The following GNAT3 variants were observed in gnomAD, a reference collection of about 807,000 sequenced individuals.
GNAT3 encodes the protein G protein subunit alpha transducin 3, also known as guanine nucleotide-binding protein G(t) subunit alpha-3.
In GNAT3, 31 loss-of-function variants were observed where a neutral mutation model predicts 37.7. The observed-to-expected ratio is 0.82, with a 90% CI of 0.62 to 1.11. GNAT3 has a LOEUF of 1.11. Among genes scored for constraint, GNAT3 ranks in the 50% most tolerant of loss-of-function variants. The pLI is 0.00. For missense variants in GNAT3, 437 were observed against 412.5 expected (o/e 1.06, Z -0.51); for synonymous variants, 138 against 139.8 (o/e 0.99, Z 0.09).
intron 5 of GNAT3, among the ~76,000 whole-genome samples, chr7:80,464,003 C>T (rs1336179888): frequency 6.6e-6 from 1 of 151,614 alleles, no homozygotes; most frequent in Non-Finnish European, 1.5e-5. Flanking sequence ...CTCATTCATC[C>T]TTTATTCAAT....
chr7:80,510,422 G>A (rs749963313), intron 1 of GNAT3, among the ~76,000 whole-genome samples: 25 of 152,160 alleles, frequency 1.6e-4, no homozygotes, highest in Middle Eastern at 3.4e-3. Flanking sequence ...TTTTTAATAC[G>A]TTTTATCACC....
chr7:80,465,325 G>A (rs1459494184), intron 5 of GNAT3, among the ~76,000 whole-genome samples: 1 of 152,064 alleles, frequency 6.6e-6, no homozygotes, highest in African/African-American at 2.4e-5. Flanking sequence ...AGTTGTAATG[G>A]ATTAATCTTA....
At chr7:80,466,489 T>C (rs1207831979) in intron 5 of GNAT3, among the ~76,000 whole-genome samples, 4 of 152,110 alleles carry the variant, frequency 2.6e-5, no homozygotes, top group African/African-American at 4.8e-5. Context: ...TGACCAAATA[T>C]TTTACCTCAG....
intron 1 of GNAT3, among the ~76,000 whole-genome samples, chr7:80,504,820 C>T (rs769572685): frequency 1.3e-5 from 2 of 151,976 alleles, no homozygotes; most frequent in African/African-American, 2.4e-5. Flanking sequence ...TGTTTTGTTG[C>T]ATATTAGTGA....
chr7:80,485,699 T>C (rs1489697100), intron 3 of GNAT3, among the ~76,000 whole-genome samples: 3 of 152,168 alleles, frequency 2.0e-5, no homozygotes, highest in Admixed American at 6.5e-5. Flanking sequence ...TGATGTTGGA[T>C]GTATAGATTT....
At chr7:80,507,026 A>G (rs1426989110) in intron 1 of GNAT3, among the ~76,000 whole-genome samples, 1 of 152,064 alleles carries the variant, frequency 6.6e-6, no homozygotes, top group African/African-American at 2.4e-5. Context: ...AATGGTTTTA[A>G]TTTGGATAAA....
chr7:80,468,116 A>G (rs139317108), intron 5 of GNAT3, among the ~76,000 whole-genome samples: 1 of 152,202 alleles, frequency 6.6e-6, no homozygotes, highest in East Asian at 1.9e-4. Context: ...TGACCAAGGC[A>G]TTAATACAGG....
At chr7:80,494,399 T>A (rs1228983309) in intron 2 of GNAT3, among the ~76,000 whole-genome samples, 1 of 152,160 alleles carries the variant, frequency 6.6e-6, no homozygotes, top group African/African-American at 2.4e-5. Flanking sequence ...AGGCACATTT[T>A]AAAAAATGGA....
At chr7:80,497,565 C>CAGAGCA (rs1790742209) in intron 1 of GNAT3, among the ~76,000 whole-genome samples, 2 of 137,860 alleles carry the variant, frequency 1.5e-5, no homozygotes, top group African/African-American at 5.5e-5. Flanking sequence ...TATACATATA[C>CAGAGCA]GTATATACAT....
At chr7:80,459,962 A>C (rs943129256) in intron 7 of GNAT3, among the ~76,000 whole-genome samples, 4 of 152,192 alleles carry the variant, frequency 2.6e-5, no homozygotes, top group African/African-American at 9.6e-5. Context: ...CTTACCATAC[A>C]ATCCAGCAAT....
rs760141871 is a variant in GNAT3 at position 80,462,519 on chromosome 7, C to T, written c.703G>A (p.Val235Met). The change falls in exon 6 of 8, where the codon GTG becomes ATG. Residue 235 changes from valine to methionine, a missense_variant. Physicochemically the swap from Val to Met is conservative, Grantham distance 21. Transcript: ENST00000398291. ...AALSAYDMVL[V>M]EDEEVNRMHE... is the part of the protein sequence containing the mutation. The stretch of plus-strand genomic sequence containing the variant: ...AGACTTACCACTTCTTCGTCTTCCA[C>T]GAGGACCATGTCATAGGCACTAAGT... 3.0e-5 allele frequency: 49 copies of T among 1,613,220 alleles called. No homozygotes were observed. Among genetic ancestry groups the T allele is most frequent in the South Asian group, 7.7e-5 (7 of 90,886 alleles).
chr7:80,462,494 A>G lies in GNAT3; in HGVS notation c.720+8T>C, dbSNP rs1372280410. 5 of 1,612,324 alleles carry G rather than the reference A, an allele frequency of 3.1e-6. No individual in the cohort carries two copies. In the African/African-American group the frequency reaches 5.3e-5, roughly 17 times the overall value. ...TTAACCCTGGCTTTGTTTTTCCTTT[A>G]GACTTACCACTTCTTCGTCTTCCAC... On this transcript the variant is annotated splice_region_variant and intron_variant, in intron 6 of 7. Transcript: ENST00000398291.
chr7:80,502,408 A>C (rs778841317), intron 1 of GNAT3, among the ~76,000 whole-genome samples: 7 of 152,156 alleles, frequency 4.6e-5, no homozygotes, highest in Non-Finnish European at 7.4e-5. Flanking sequence ...ACAACACTAA[A>C]ATACAAAATT....
chr7:80,489,014 A>G (rs1217458841), intron 2 of GNAT3, among the ~76,000 whole-genome samples: 2 of 152,152 alleles, frequency 1.3e-5, no homozygotes, highest in Admixed American at 6.6e-5. Flanking sequence ...GGACAAAGAT[A>G]TATACAGAGT....
chr7:80,474,491 T>A lies in GNAT3; in HGVS notation c.462-112A>T, dbSNP rs574957673. 3.5e-4 allele frequency: 138 copies of A among 391,710 alleles called. 1 individual carries two copies. In the South Asian group the frequency reaches 8.1e-3, roughly 23 times the overall value. 24.3% of individuals were successfully genotyped at this position (391,710 alleles called of 1,614,324 possible). On this transcript the variant is annotated intron_variant, in intron 4 of 7. Coordinates refer to ENST00000398291, the MANE Select transcript of GNAT3 (RefSeq NM_001102386.3). Reference sequence around the variant, plus strand: ...TATATGTGTGTGTATATATATATATTTTTAACTTTGCGTTTGAAGAAACCA... The same window carrying A: ...TATATGTGTGTGTATATATATATATATTTAACTTTGCGTTTGAAGAAACCA...
chr7:80,508,913 A>C (rs1446364464), intron 1 of GNAT3, among the ~76,000 whole-genome samples: 15 of 152,058 alleles, frequency 9.9e-5, no homozygotes, highest in Admixed American at 9.8e-4. Flanking sequence ...ATCTGTCAAA[A>C]GTGTTTTTTA....
intron 1 of GNAT3, among the ~76,000 whole-genome samples, chr7:80,497,138 T>A (rs1338193700): frequency 1.3e-5 from 2 of 152,176 alleles, no homozygotes; most frequent in Non-Finnish European, 2.9e-5. Context: ...TTTCTTTACA[T>A]AATCAAACAC....
At chr7:80,476,096 A>C (rs1046418923) in intron 4 of GNAT3, among the ~76,000 whole-genome samples, 1 of 151,994 alleles carries the variant, frequency 6.6e-6, no homozygotes, top group South Asian at 2.1e-4. Flanking sequence ...AACAAAAAAA[A>C]CCCAAAAATA....
intron 3 of GNAT3, among the ~76,000 whole-genome samples, chr7:80,487,968 GGA>G (rs1790520500): frequency 6.6e-6 from 1 of 151,864 alleles, no homozygotes; most frequent in Non-Finnish European, 1.5e-5. Flanking sequence ...TATAAAGTAG[GGA>G]GAAAATAATT....
Sources: gnomAD v4.1 joint callset for allele counts (sites outside exome capture counted in the v4.1 genomes callset) on GRCh38, gnomAD v4.1.1 for gene constraint, MANE v1.5 for transcripts, NCBI Gene and HGNC (gene_info 2026-07-23, HGNC 2026-07-21) for gene names.